The following PTPRE variants were observed in gnomAD, a reference collection of about 807,000 sequenced individuals.
PTPRE encodes the protein protein tyrosine phosphatase receptor type E, also known as receptor-type tyrosine-protein phosphatase epsilon.
A neutral mutation model predicts 102.0 loss-of-function variants in PTPRE; 51 were observed. The observed-to-expected ratio is 0.50, with a 90% confidence interval of 0.40 to 0.63. The LOEUF (loss-of-function observed/expected upper bound fraction) is 0.63, where lower values mean the gene tolerates loss of function less well. Ranked by LOEUF, PTPRE falls within the 30% of genes least tolerant of loss-of-function variation. PTPRE has a pLI of 0.00. For missense variants in PTPRE, 752 were observed against 915.1 expected (o/e 0.82, Z 2.30); for synonymous variants, 345 against 348.2 (o/e 0.99, Z 0.10).
chr10:127,914,560 G>T (rs1283379325), intron 1 of PTPRE, among the ~76,000 whole-genome samples: 1 of 152,214 alleles, frequency 6.6e-6, no homozygotes, highest in East Asian at 1.9e-4. Flanking sequence ...CTCTGGGGAA[G>T]ACAAAGTAAA....
chr10:128,082,647 G>A (rs72848780), intron 20 of PTPRE, among the ~76,000 whole-genome samples, 185 bp from the exon 21 acceptor site: 42,031 of 151,882 alleles, frequency 0.28, 6,492 homozygotes, highest in Admixed American at 0.35. Context: ...CACATTCTAC[G>A]TAGAAAAACA....
At chr10:127,930,061 C>CAA (rs941241176) in intron 1 of PTPRE, among the ~76,000 whole-genome samples, 72 of 72,802 alleles carry the variant, frequency 9.9e-4, no homozygotes, top group Non-Finnish European at 1.1e-3. Flanking sequence ...GATTCCATCT[C>CAA]AAAAAAAAAA....
At chr10:128,021,044 G>A (rs548729376) in intron 2 of PTPRE, among the ~76,000 whole-genome samples, 197 of 152,094 alleles carry the variant, frequency 1.3e-3, no homozygotes, top group African/African-American at 4.6e-3. Flanking sequence ...ACAGGTGCCC[G>A]CCCCCACACC....
intron 8 of PTPRE, 34 bp from the exon 9 acceptor site, chr10:128,061,645 T>C (rs748402061): frequency 4.5e-6 from 7 of 1,573,022 alleles, no homozygotes; most frequent in Admixed American, 4.0e-5. Flanking sequence ...AAGATAATTC[T>C]GAAAAAATAT....
At position 128,028,045 on chromosome 10, in the gene PTPRE, G is replaced by A. The variant is rs1042722595; in HGVS notation, c.-7-12830G>A. On this transcript the variant is annotated intron_variant, in intron 2 of 20. Transcript: ENST00000254667. The surrounding 1 kb of genome is among the most constrained non-coding windows in gnomAD (Gnocchi z 4.5). ...GGCAGAGGCTTCAGGGGAGGGTTCC[G>A]GCTTTGGCTGGGGGCGTGGGAGTCT... Among the ~76,000 whole-genome samples, 3 of 152,210 alleles carry A rather than the reference G, an allele frequency of 2.0e-5. No individual in the cohort carries two copies. The highest frequency in any genetic ancestry group is 2.1e-4 in the South Asian group (1 of 4,828).
At chr10:128,000,731 T>G (rs7088062) in intron 2 of PTPRE, among the ~76,000 whole-genome samples, 3 of 152,022 alleles carry the variant, frequency 2.0e-5, no homozygotes, top group African/African-American at 7.3e-5. Context: ...AGTTTATCCC[T>G]GAACCTTGGT....
At chr10:127,932,745 C>T (rs555577942) in intron 1 of PTPRE, among the ~76,000 whole-genome samples, 7 of 152,366 alleles carry the variant, frequency 4.6e-5, no homozygotes, top group Admixed American at 6.5e-5. Context: ...TGGGCCTGGC[C>T]TGGCCCAGCT....
At chr10:128,074,375 G>A (rs35059933) in intron 17 of PTPRE, among the ~76,000 whole-genome samples, 36,023 of 152,170 alleles carry the variant, frequency 0.24, 4,467 homozygotes, top group East Asian at 0.4. Flanking sequence ...ATTATAAATA[G>A]TGCTGCTTTG....
At chr10:127,947,905 C>T (rs1848739474) in intron 1 of PTPRE, among the ~76,000 whole-genome samples, 2 of 152,158 alleles carry the variant, frequency 1.3e-5, no homozygotes, top group South Asian at 4.1e-4. Context: ...GACTTCTCAG[C>T]CCACCCTAAT....
chr10:127,973,661 A>T (rs1162923020), intron 1 of PTPRE, among the ~76,000 whole-genome samples: 1 of 151,988 alleles, frequency 6.6e-6, no homozygotes, highest in African/African-American at 2.4e-5. Context: ...AAAAAAAAAA[A>T]TTGATCTGTT....
chr10:127,950,355 G>A (rs1439306491), intron 1 of PTPRE, among the ~76,000 whole-genome samples: 4 of 152,128 alleles, frequency 2.6e-5, no homozygotes, highest in Non-Finnish European at 5.9e-5. Flanking sequence ...TGGGTCAAAA[G>A]ATGGTCCACC....
At chr10:128,068,367 G>T (rs773274687) in intron 12 of PTPRE, 81 bp downstream of exon 12, 85 of 1,481,956 alleles carry the variant, frequency 5.7e-5, no homozygotes, top group Non-Finnish European at 7.4e-5. Context: ...AATGCCAGGG[G>T]ACCAATATCA....
chr10:127,931,966 C>G (rs781266548), intron 1 of PTPRE, among the ~76,000 whole-genome samples: 2 of 152,086 alleles, frequency 1.3e-5, no homozygotes, highest in African/African-American at 2.4e-5. Flanking sequence ...TTTATATGGT[C>G]AGCCAAGTTT....
At position 127,907,803 on chromosome 10, in the gene PTPRE, C is replaced by T. The variant is rs1225530037; in HGVS notation, c.-31+494C>T. On this transcript the variant is annotated intron_variant, in intron 1 of 20. Coordinates refer to ENST00000254667, the MANE Select transcript of PTPRE (RefSeq NM_006504.6). This position sits in a 1 kb window ranked among gnomAD's most constrained non-coding sequence, Gnocchi z 4.8. ...CCGGCGCTCTGCCAGGATGCTGCCC[C>T]GCAGCCGGGCGGGCGCCCGCGCCTT... Among the ~76,000 whole-genome samples, 1 of 152,182 alleles carries T rather than the reference C, an allele frequency of 6.6e-6. No homozygotes were observed. Among genetic ancestry groups the T allele is most frequent in the African/African-American group, 2.4e-5 (1 of 41,456 alleles).
intron 6 of PTPRE, 126 bp from the exon 7 acceptor site, chr10:128,055,997 C>A: frequency 1.4e-6 from 1 of 716,846 alleles, no homozygotes; most frequent in South Asian, 1.6e-5. Flanking sequence ...GAGGCAGAGA[C>A]GGACTATGGA....
chr10:127,993,354 A>G (rs1312392472), intron 2 of PTPRE, among the ~76,000 whole-genome samples: 5 of 152,212 alleles, frequency 3.3e-5, no homozygotes, highest in African/African-American at 1.2e-4. Flanking sequence ...TCCATAATTT[A>G]TATGATGTGT....
intron 20 of PTPRE, among the ~76,000 whole-genome samples, chr10:128,081,993 G>A (rs760819728): frequency 1.8e-4 from 28 of 152,116 alleles, no homozygotes; most frequent in Non-Finnish European, 1.2e-4. Flanking sequence ...TGGCCTCTCC[G>A]GCTTTCCAAG....
intron 2 of PTPRE, among the ~76,000 whole-genome samples, chr10:127,987,972 G>A (rs1564852805): frequency 6.6e-6 from 1 of 152,246 alleles, no homozygotes; most frequent in Non-Finnish European, 1.5e-5. Flanking sequence ...AGGGTTTCCT[G>A]CCTGTGCAGT....
chr10:127,932,469 T>C (rs1299887380), intron 1 of PTPRE, among the ~76,000 whole-genome samples: 1 of 152,210 alleles, frequency 6.6e-6, no homozygotes, highest in Non-Finnish European at 1.5e-5. Flanking sequence ...CATACACAGG[T>C]GGAACGGTAA....
Sources: gnomAD v4.1 joint callset for allele counts (sites outside exome capture counted in the v4.1 genomes callset) on GRCh38, gnomAD v4.1.1 for gene constraint, Gnocchi (gnomAD v3.1) non-coding constraint, MANE v1.5 for transcripts, NCBI Gene and HGNC (gene_info 2026-07-23, HGNC 2026-07-21) for gene names.